NKAIN2: variants seen among roughly 807,000 people sequenced by gnomAD.
NKAIN2 encodes sodium/potassium transporting ATPase interacting 2.
Under a neutral mutation model 32.6 loss-of-function variants are expected in NKAIN2, and 14 were observed. That is an observed-to-expected ratio of 0.43 (90% confidence interval 0.28 to 0.67). NKAIN2 has a LOEUF of 0.67. Ranked by LOEUF, NKAIN2 falls within the 30% of genes least tolerant of loss-of-function variation. The pLI is 0.17. For missense variants in NKAIN2, 198 were observed against 258.3 expected (o/e 0.77, Z 1.60); for synonymous variants, 80 against 87.2 (o/e 0.92, Z 0.46).
At chr6:124,026,870 C>T (rs1178308688) in intron 1 of NKAIN2, among the ~76,000 whole-genome samples, 1 of 152,172 alleles carries the variant, frequency 6.6e-6, no homozygotes, top group Non-Finnish European at 1.5e-5. Flanking sequence ...CCCACTTCCA[C>T]ACTTCACTTT....
chr6:123,818,876 G>A (rs77954157), intron 1 of NKAIN2, among the ~76,000 whole-genome samples: 2,783 of 152,190 alleles, frequency 0.018, 47 homozygotes, highest in African/African-American at 0.037. Flanking sequence ...CAAACAAAAC[G>A]TTATAAACTT....
chr6:124,317,178 T>A (rs1201969268), intron 2 of NKAIN2, among the ~76,000 whole-genome samples: 2 of 152,066 alleles, frequency 1.3e-5, no homozygotes, highest in Non-Finnish European at 2.9e-5. Flanking sequence ...AGATGGTAGA[T>A]GTCAGGAGTG....
At chr6:124,361,787 C>A (rs561527577) in intron 3 of NKAIN2, among the ~76,000 whole-genome samples, 1 of 152,194 alleles carries the variant, frequency 6.6e-6, no homozygotes, top group South Asian at 2.1e-4. Context: ...TTGTCATATA[C>A]TGTAGACTAT....
rs551977144 is a variant in NKAIN2, at chr6:124,735,467, A to T, written c.475-55872A>T. Among the ~76,000 whole-genome samples, 392 of 152,092 alleles carry T rather than the reference A, an allele frequency of 2.6e-3. 3 individuals carry two copies. Among genetic ancestry groups the T allele is most frequent in the Non-Finnish European group, 4.3e-3 (294 of 67,902 alleles). On this transcript the variant is annotated intron_variant, in intron 4 of 6. Coordinates refer to ENST00000368417, the MANE Select transcript of NKAIN2 (RefSeq NM_001040214.3). Reference sequence around the variant, plus strand: ...ATTATGCTTTTGTTATCAAGTACAGAGTTAAAAAAATAAAAGTAGTGGTAG... The same window carrying T: ...ATTATGCTTTTGTTATCAAGTACAGTGTTAAAAAAATAAAAGTAGTGGTAG...
intron 1 of NKAIN2, among the ~76,000 whole-genome samples, chr6:123,996,944 T>C (rs895965272): frequency 6.6e-6 from 1 of 152,206 alleles, no homozygotes; most frequent in Non-Finnish European, 1.5e-5. Context: ...TTGTGAATAC[T>C]TTTTGATATC....
At chr6:124,467,905 G>A (rs1182143888) in intron 3 of NKAIN2, among the ~76,000 whole-genome samples, 1 of 151,994 alleles carries the variant, frequency 6.6e-6, no homozygotes, top group Non-Finnish European at 1.5e-5. Context: ...ACTAGTTGGT[G>A]GCCTTAGATA....
intron 1 of NKAIN2, among the ~76,000 whole-genome samples, chr6:123,997,905 G>T (rs931084343): frequency 2.6e-5 from 4 of 151,976 alleles, no homozygotes; most frequent in Admixed American, 6.6e-5. Flanking sequence ...GCCTGGCCAA[G>T]TTTATTGTTA....
intron 5 of NKAIN2, among the ~76,000 whole-genome samples, chr6:124,810,427 G>A (rs868605805): frequency 3.3e-5 from 5 of 151,928 alleles, no homozygotes; most frequent in Admixed American, 1.3e-4. Flanking sequence ...GGTGGGAATT[G>A]AACAATGAGA....
At chr6:124,114,873 T>C (rs890758957) in intron 1 of NKAIN2, among the ~76,000 whole-genome samples, 1 of 152,236 alleles carries the variant, frequency 6.6e-6, no homozygotes, top group Admixed American at 6.5e-5. Context: ...GTTCTAGTTA[T>C]TAGTAATGTA....
chr6:123,925,502 A>C (rs763939949), intron 1 of NKAIN2, among the ~76,000 whole-genome samples: 1 of 152,168 alleles, frequency 6.6e-6, no homozygotes, highest in Non-Finnish European at 1.5e-5. Context: ...CTTTTGTTTC[A>C]TAGCTGTGTG....
chr6:123,915,406 T>G (rs1775436099), intron 1 of NKAIN2, among the ~76,000 whole-genome samples: 1 of 152,178 alleles, frequency 6.6e-6, no homozygotes, highest in African/African-American at 2.4e-5. Context: ...CCACTCACTT[T>G]ACCACCCAAC....
At chr6:124,785,841 T>C (rs1210393415) in intron 4 of NKAIN2, among the ~76,000 whole-genome samples, 2 of 152,124 alleles carry the variant, frequency 1.3e-5, no homozygotes, top group Non-Finnish European at 2.9e-5. Flanking sequence ...TCCACTGACA[T>C]CACCCCAGTG....
chr6:123,981,526 C>T (rs1033540673), intron 1 of NKAIN2, among the ~76,000 whole-genome samples: 19 of 152,096 alleles, frequency 1.2e-4, no homozygotes, highest in African/African-American at 4.3e-4. Flanking sequence ...TTTCCAGTCG[C>T]TTTCATTCCA....
At chr6:123,970,433 G>T (rs915411410) in intron 1 of NKAIN2, among the ~76,000 whole-genome samples, 3 of 152,114 alleles carry the variant, frequency 2.0e-5, no homozygotes, top group African/African-American at 7.2e-5. Flanking sequence ...AAGAAATAGA[G>T]ACATAATTTA....
chr6:124,211,962 C>A (rs1406130602), intron 1 of NKAIN2, among the ~76,000 whole-genome samples: 1 of 152,016 alleles, frequency 6.6e-6, no homozygotes, highest in African/African-American at 2.4e-5. Flanking sequence ...AACTGCTTGA[C>A]ATAATGGGCT....
At chr6:124,222,252 G>C (rs140508137) in intron 1 of NKAIN2, among the ~76,000 whole-genome samples, 1 of 152,140 alleles carries the variant, frequency 6.6e-6, no homozygotes, top group Non-Finnish European at 1.5e-5. Context: ...AAGAAATGTT[G>C]TTGCCCTCAC....
At chr6:123,921,709 A>C (rs1403180676) in intron 1 of NKAIN2, among the ~76,000 whole-genome samples, 1 of 152,216 alleles carries the variant, frequency 6.6e-6, no homozygotes, top group African/African-American at 2.4e-5. Flanking sequence ...ATTAATTATG[A>C]TATGGCTTCA....
chr6:124,432,591 G>A (rs1157784247), intron 3 of NKAIN2, among the ~76,000 whole-genome samples: 1 of 152,060 alleles, frequency 6.6e-6, no homozygotes, highest in East Asian at 1.9e-4. Flanking sequence ...CTGGGCAGCA[G>A]AGCAAGACCT....
chr6:124,435,175 G>C (rs538285830), intron 3 of NKAIN2, among the ~76,000 whole-genome samples: 1 of 152,180 alleles, frequency 6.6e-6, no homozygotes, highest in African/African-American at 2.4e-5. Flanking sequence ...TAACTAGAAG[G>C]AATATGGCAT....
Sources: allele counts gnomAD v4.1 joint callset (sites outside exome capture counted in the v4.1 genomes callset), GRCh38; gene constraint gnomAD v4.1.1; transcripts MANE v1.5; gene names NCBI Gene and HGNC (gene_info 2026-07-23, HGNC 2026-07-21).